The following FANCL variants were observed in gnomAD, a reference collection of about 807,000 sequenced individuals.
The protein encoded by FANCL is FA complementation group L.
FANCL carries 69 observed loss-of-function variants against 59.4 expected under a neutral mutation model. The observed-to-expected ratio is 1.16, with a 90% confidence interval of 0.96 to 1.42. The LOEUF (loss-of-function observed/expected upper bound fraction) is 1.42, where lower values mean the gene tolerates loss of function less well. FANCL is among the 40% of genes most tolerant of loss of function. The pLI is 0.00. For synonymous variants in FANCL, 180 were observed against 147.1 expected (o/e 1.22, Z -1.62); for missense variants, 519 against 447.2 (o/e 1.16, Z -1.45).
intron 7 of FANCL, among the ~76,000 whole-genome samples, chr2:58,189,361 G>C (rs1416519327): frequency 1.3e-5 from 2 of 152,054 alleles, no homozygotes; most frequent in African/African-American, 4.8e-5. Context: ...ACAGCTTCTC[G>C]TTAGTTTTCT....
chr2:58,234,760 G>C (rs1693863112), intron 1 of FANCL, among the ~76,000 whole-genome samples: 1 of 151,888 alleles, frequency 6.6e-6, no homozygotes, highest in East Asian at 1.9e-4. Flanking sequence ...ATAGAAAACA[G>C]AATATAATTG....
intron 7 of FANCL, among the ~76,000 whole-genome samples, chr2:58,196,595 T>C (rs776377992): frequency 2.6e-5 from 4 of 151,990 alleles, no homozygotes; most frequent in Non-Finnish European, 5.9e-5. Context: ...GCACTGAGCA[T>C]GTGGATATAA....
In FANCL at chr2:58,241,214, G is replaced by T. The variant is rs1279339819; in HGVS notation, c.96+4C>A. 1 of 1,614,178 alleles carries T rather than the reference G, an allele frequency of 6.2e-7. No homozygotes were observed. The highest frequency in any genetic ancestry group is 8.5e-7 in the Non-Finnish European group (1 of 1,179,972). ...TAGCTAGAAAGCAACCACTGGGCGGGTACCTGAGCCGAGATGAATCCCTCA... is the reference window on the plus strand; with the variant it reads ...TAGCTAGAAAGCAACCACTGGGCGGTTACCTGAGCCGAGATGAATCCCTCA... On this transcript the variant is annotated splice_donor_region_variant and intron_variant, in intron 1 of 13. Transcript: ENST00000233741.
intron 7 of FANCL, among the ~76,000 whole-genome samples, chr2:58,173,032 T>A (rs1686841343): frequency 6.6e-6 from 1 of 151,982 alleles, no homozygotes; most frequent in Non-Finnish European, 1.5e-5. Flanking sequence ...GAAGAAAGGG[T>A]ATCAGTGACG....
intron 7 of FANCL, among the ~76,000 whole-genome samples, chr2:58,195,506 A>G (rs1026306257): frequency 1.3e-5 from 2 of 152,314 alleles, no homozygotes; most frequent in South Asian, 2.1e-4. Context: ...ATAGCAGAAT[A>G]TCTTTTCAGA....
chr2:58,204,898 A>G (rs1690436135), intron 5 of FANCL, among the ~76,000 whole-genome samples: 1 of 152,082 alleles, frequency 6.6e-6, no homozygotes, highest in African/African-American at 2.4e-5. Context: ...AAATGCATGA[A>G]TTTTCTACAA....
chr2:58,235,287 C>T (rs563429304), intron 1 of FANCL, among the ~76,000 whole-genome samples: 21 of 152,128 alleles, frequency 1.4e-4, no homozygotes, highest in African/African-American at 4.3e-4. Flanking sequence ...AAGGTGGGAA[C>T]GTACAGGAAC....
At position 58,221,985 on chromosome 2, in the gene FANCL, A is replaced by G; in HGVS notation, c.331T>C (p.Tyr111His). 6.2e-7 allele frequency: 1 copy of G among 1,613,496 alleles called. No individual in the cohort carries two copies. Among genetic ancestry groups the G allele is most frequent in the Middle Eastern group, 1.7e-4 (1 of 6,058 alleles). The part of the protein sequence containing the change: ...LYALPPPPQF[Y>H]SSLIEEIGTL... ...CCTATCTCTTCAATAAGGCTTGAGT[A>G]GAACTGGGGAGGAGGAGGTAGTGCA... is the stretch of plus-strand genomic sequence containing the variant. Residue 111 changes from tyrosine to histidine, a missense_variant, in exon 5 of 14, where the codon TAC (tyrosine) becomes CAC (histidine). Transcript: ENST00000233741.
chr2:58,161,253 TAATTTGTTATGTGTC>T, intron 12 of FANCL, among the ~76,000 whole-genome samples: 1 of 152,152 alleles, frequency 6.6e-6, no homozygotes, highest in Non-Finnish European at 1.5e-5. Flanking sequence ...ACCATCAATT[TAATTTGTTATGTGTC>T]AATAAGCTAG....
chr2:58,159,600 T>G lies in FANCL; in HGVS notation c.*165A>C, dbSNP rs866675905. On this transcript the variant is annotated 3_prime_UTR_variant, in exon 14 of 14. Coordinates refer to ENST00000233741, the MANE Select transcript of FANCL (RefSeq NM_018062.4). The stretch of plus-strand genomic sequence containing the variant: ...TTTGGCCTACAATTTCCCAGTTTAC[T>G]CTTAGTGAAGAGACAAACGCAGATG... The G allele has an allele frequency of 1.2e-5, 19 of 1,613,782 alleles. No individual in the cohort carries two copies. The highest frequency in any genetic ancestry group is 3.3e-5 in the Admixed American group (2 of 59,986).
intron 1 of FANCL, among the ~76,000 whole-genome samples, chr2:58,237,198 A>G (rs986124783): frequency 2.6e-5 from 4 of 152,308 alleles, no homozygotes; most frequent in African/African-American, 9.6e-5. Flanking sequence ...CAGTATATTC[A>G]CCAGGATAGA....
intron 5 of FANCL, among the ~76,000 whole-genome samples, chr2:58,217,901 C>A (rs138652533): frequency 6.6e-6 from 1 of 151,988 alleles, no homozygotes; most frequent in East Asian, 1.9e-4. Flanking sequence ...ATTACATACT[C>A]TTCTTAAGTG....
chr2:58,192,948 A>G (rs1689078285), intron 7 of FANCL, among the ~76,000 whole-genome samples: 1 of 152,030 alleles, frequency 6.6e-6, no homozygotes, highest in Non-Finnish European at 1.5e-5. Flanking sequence ...TAAAAAATCA[A>G]TAGCTTGCCC....
rs1161031169 is a variant in FANCL at position 58,169,422 on chromosome 2, C to T, written c.541-3548G>A. Reference sequence around the variant, plus strand: ...AAAGTCAACAATATCAAAGACCAAACGTAGATAAATCCACGACGATGAGGA... The same window carrying T: ...AAAGTCAACAATATCAAAGACCAAATGTAGATAAATCCACGACGATGAGGA... On this transcript the variant is annotated intron_variant, in intron 7 of 13. Coordinates refer to ENST00000233741, the MANE Select transcript of FANCL (RefSeq NM_018062.4). Among the ~76,000 whole-genome samples the T allele has an allele frequency of 2.0e-5, 3 of 152,086 alleles. No homozygotes were observed. In the East Asian group the frequency reaches 5.8e-4, roughly 29 times the overall value.
At chr2:58,198,523 G>GTAT (rs1689666489) in intron 7 of FANCL, 71 bp downstream of exon 7, 1 of 1,301,160 alleles carries the variant, frequency 7.7e-7, no homozygotes, top group African/African-American at 1.5e-5. Flanking sequence ...ATCCCCCCAT[G>GTAT]GATACTCTGG....
rs201914378 is a variant in FANCL, at chr2:58,229,778, T to G, written c.216+36A>C. ...ACAATAAATTTAGTAATTTCTTATCTTCACTGAAAACATAAACCTTTTAAA... is the reference window on the plus strand; with the variant it reads ...ACAATAAATTTAGTAATTTCTTATCGTCACTGAAAACATAAACCTTTTAAA... On this transcript the variant is annotated intron_variant, in intron 3 of 13. Coordinates refer to ENST00000233741, the MANE Select transcript of FANCL (RefSeq NM_018062.4). 3.6e-4 allele frequency: 525 copies of G among 1,452,788 alleles called. 2 individuals carry two copies. The highest frequency in any genetic ancestry group is 4.0e-4 in the Non-Finnish European group (416 of 1,033,548). 90.0% of individuals were successfully genotyped at this position (1,452,788 alleles called of 1,614,324 possible).
At chr2:58,218,820 C>T (rs1019415111) in intron 5 of FANCL, among the ~76,000 whole-genome samples, 3 of 151,838 alleles carry the variant, frequency 2.0e-5, no homozygotes, top group African/African-American at 7.3e-5. Context: ...GGCTACAAAA[C>T]TACATATGGT....
intron 7 of FANCL, among the ~76,000 whole-genome samples, chr2:58,178,065 C>G (rs557277881): frequency 3.3e-5 from 5 of 152,008 alleles, no homozygotes; most frequent in African/African-American, 1.2e-4. Flanking sequence ...CGAAATAGAT[C>G]GATAACAACT....
At chr2:58,165,677 C>G (rs372754560) in intron 8 of FANCL, 47 bp downstream of exon 8, 1 of 1,607,592 alleles carries the variant, frequency 6.2e-7, no homozygotes. Context: ...TTTCATAATA[C>G]AAAATAAAAC....
Sources: gnomAD v4.1 joint callset for allele counts (sites outside exome capture counted in the v4.1 genomes callset) on GRCh38, gnomAD v4.1.1 for gene constraint, MANE v1.5 for transcripts, NCBI Gene and HGNC (gene_info 2026-07-23, HGNC 2026-07-21) for gene names.